Variants in SH2D3C observed in about 807,000 individuals in gnomAD.
SH2D3C encodes SH2 domain containing 3C.
Under a neutral mutation model 75.2 loss-of-function variants are expected in SH2D3C, and 25 were observed. The observed-to-expected ratio is 0.33, with a 90% CI of 0.24 to 0.46. The LOEUF (loss-of-function observed/expected upper bound fraction) is 0.46. Among genes scored for constraint, SH2D3C ranks in the 20% least tolerant of loss-of-function variants. The pLI is 1.00. For synonymous variants in SH2D3C, 450 were observed against 473.7 expected, an observed-to-expected ratio of 0.95 and a Z score of 0.65; for missense variants, 933 against 1,165.3, an observed-to-expected ratio of 0.80 and a Z score of 2.90.
Position 127,754,810 on chromosome 9 carries a change from C to T in SH2D3C, c.556-3510G>A, listed in dbSNP as rs1246594767. On this transcript the variant is annotated intron_variant, in intron 3 of 11. Transcript: ENST00000314830. The surrounding 1 kb of genome is among the most constrained non-coding windows in gnomAD (Gnocchi z 4.4). ...AGTCCCCCCTGCCCCAGCTCTCTCC[C>T]TCCTGCGGAGGAGGCAGAAACGGAC... 1 of 483,878 alleles carries T rather than the reference C, an allele frequency of 2.1e-6. No homozygotes were observed. Among genetic ancestry groups the T allele is most frequent in the South Asian group, 1.5e-5 (1 of 64,616 alleles). 30.0% of individuals were successfully genotyped at this position (483,878 alleles called of 1,614,324 possible). A position where few individuals can be genotyped will look rare whatever the true frequency, so the allele number is the denominator to read the frequency against.
At position 127,754,930 on chromosome 9, in the gene SH2D3C, G is replaced by A; in HGVS notation, c.556-3630C>T. The A allele has an allele frequency of 3.9e-6, 2 of 511,450 alleles. No homozygotes were observed. The highest frequency in any genetic ancestry group is 6.3e-5 in the East Asian group (1 of 16,000). The allele number at this position is 511,450 out of a possible 1,614,324, so 31.7% of individuals were successfully genotyped here. ...CCAGAGGTGAGGCTGGGGTGACCCC[G>A]CCCCCTCCCCGGGTCGGCCGGGCCC... is the stretch of plus-strand genomic sequence containing the variant. On this transcript the variant is annotated intron_variant, in intron 3 of 11. Coordinates refer to ENST00000314830, the MANE Select transcript of SH2D3C (RefSeq NM_170600.3). The surrounding 1 kb of genome is among the most constrained non-coding windows in gnomAD (Gnocchi z 4.4).
At chr9:127,769,351 A>G (rs372290515) in intron 2 of SH2D3C, among the ~76,000 whole-genome samples, 2 of 152,248 alleles carry the variant, frequency 1.3e-5, no homozygotes, top group Admixed American at 6.5e-5. Context: ...AAATAATGGT[A>G]GAAAAAGCTG....
chr9:127,770,190 C>T (rs1278971991), intron 2 of SH2D3C, among the ~76,000 whole-genome samples: 1 of 152,126 alleles, frequency 6.6e-6, no homozygotes, highest in Admixed American at 6.5e-5. Context: ...CCTCCTTCCT[C>T]TTCATCCCCA....
chr9:127,775,406 G>T (rs926463803), intron 1 of SH2D3C, among the ~76,000 whole-genome samples: 2 of 152,100 alleles, frequency 1.3e-5, no homozygotes, highest in Non-Finnish European at 2.9e-5. Context: ...GAGGCGGGCA[G>T]ATCATCTGAG....
In SH2D3C at chr9:127,771,509, C is replaced by T. The variant is rs528083492; in HGVS notation, c.515+2481G>A. The T allele has an allele frequency of 5.5e-6, 3 of 547,906 alleles. No homozygotes were observed. In the African/African-American group the frequency reaches 5.9e-5, roughly 11 times the overall value. The allele number at this position is 547,906 out of a possible 1,614,324, so 33.9% of individuals were successfully genotyped here. ...AGTCAGTGTCGGGAAGGCCTCGCCCCCTAGCACACCCCTCCGCCTCGCCCG... is the reference window on the plus strand; with the variant it reads ...AGTCAGTGTCGGGAAGGCCTCGCCCTCTAGCACACCCCTCCGCCTCGCCCG... On this transcript the variant is annotated intron_variant, in intron 2 of 11. Transcript: ENST00000314830.
At chr9:127,742,681 T>C in intron 8 of SH2D3C, 168 bp downstream of exon 8, 1 of 555,490 alleles carries the variant, frequency 1.8e-6, no homozygotes, top group Non-Finnish European at 3.2e-6. Context: ...GAAATCAGCC[T>C]GTTTAGAGCG....
chr9:127,762,104 T>C (rs890593222), intron 2 of SH2D3C: 1 of 798,998 alleles, frequency 1.3e-6, no homozygotes, highest in Admixed American at 5.8e-5. Context: ...CAAGTGGGGA[T>C]CAGCCCGTCC....
At chr9:127,770,287 T>TC (rs1193152614) in intron 2 of SH2D3C, among the ~76,000 whole-genome samples, 1 of 151,974 alleles carries the variant, frequency 6.6e-6, no homozygotes, top group African/African-American at 2.4e-5. Context: ...GCACCCTGTC[T>TC]CCCCGGGGTG....
intron 3 of SH2D3C, among the ~76,000 whole-genome samples, chr9:127,752,594 G>A (rs927325762): frequency 2.0e-5 from 3 of 152,070 alleles, no homozygotes; most frequent in Non-Finnish European, 2.9e-5. Flanking sequence ...CACAGATCTC[G>A]CCTCCTAATT....
At chr9:127,742,068 C>T in intron 8 of SH2D3C, 109 bp from the exon 9 acceptor site, 1 of 1,080,412 alleles carries the variant, frequency 9.3e-7, no homozygotes, top group Admixed American at 2.7e-5. Flanking sequence ...GCGGAGCCAA[C>T]GTGAGAGGTT....
At chr9:127,755,299 A>T (rs1845346353) in intron 3 of SH2D3C, 4 of 466,888 alleles carry the variant, frequency 8.6e-6, no homozygotes, top group Non-Finnish European at 1.1e-5. Context: ...TCGGGGGAGG[A>T]GCGGGGAGGC....
rs1447016123 is a variant in SH2D3C at position 127,738,724 on chromosome 9, C to T, written c.*22G>A. 2 of 1,563,636 alleles carry T rather than the reference C, an allele frequency of 1.3e-6. No homozygotes were observed. Among genetic ancestry groups the T allele is most frequent in the African/African-American group, 2.7e-5 (2 of 74,068 alleles). On this transcript the variant is annotated 3_prime_UTR_variant, in exon 12 of 12. Coordinates refer to ENST00000314830, the MANE Select transcript of SH2D3C (RefSeq NM_170600.3). This position sits in a 1 kb window ranked among gnomAD's most constrained non-coding sequence, Gnocchi z 5.0. ...CTGCCCCTGACGCTGTCCGCAGCTGCAGAGGGGAAATGTCCCTGGGGTCAC... is the reference window on the plus strand; with the variant it reads ...CTGCCCCTGACGCTGTCCGCAGCTGTAGAGGGGAAATGTCCCTGGGGTCAC...
chr9:127,765,183 G>A (rs1440438416), intron 2 of SH2D3C, among the ~76,000 whole-genome samples: 2 of 152,072 alleles, frequency 1.3e-5, no homozygotes, highest in African/African-American at 4.8e-5. Flanking sequence ...CCCTCCTTCA[G>A]TTCTTCACTA....
At chr9:127,773,866 C>A (rs755229736) in intron 2 of SH2D3C, 124 bp downstream of exon 2, 8 of 624,298 alleles carry the variant, frequency 1.3e-5, no homozygotes, top group Non-Finnish European at 2.2e-5. Context: ...TGCAGTGAAC[C>A]GGGATCACAC....
intron 2 of SH2D3C, chr9:127,771,183 C>T (rs1845730585): frequency 6.5e-7 from 1 of 1,543,194 alleles, no homozygotes; most frequent in Non-Finnish European, 8.7e-7. Context: ...CTCGGTCACT[C>T]ACCCTCGGGA....
intron 6 of SH2D3C, among the ~76,000 whole-genome samples, chr9:127,746,289 G>A (rs545087653): frequency 6.6e-6 from 1 of 152,308 alleles, no homozygotes; most frequent in South Asian, 2.1e-4. Flanking sequence ...CACCCTAGGC[G>A]AAAGTTCCTC....
At chr9:127,778,555 G>C in intron 1 of SH2D3C, 36 bp downstream of exon 1, 1 of 1,533,672 alleles carries the variant, frequency 6.5e-7, no homozygotes, top group Non-Finnish European at 9.0e-7. Context: ...GGAGAGCCAG[G>C]GATGGAGGAC....
rs769313098 is a variant in SH2D3C at position 127,754,264 on chromosome 9, C to T, written c.556-2964G>A. 4.8e-4 allele frequency among the ~76,000 whole-genome samples: 73 copies of T among 152,146 alleles called. No individual in the cohort carries two copies. The highest frequency in any genetic ancestry group is 6.3e-4 in the Non-Finnish European group (43 of 67,986). ...CCGGCGGGGCAGTCCTTCAGGCGGG[C>T]TCCGCGAGCGTGTGTGAGCCTGGGG... On this transcript the variant is annotated intron_variant, in intron 3 of 11. Coordinates refer to ENST00000314830, the MANE Select transcript of SH2D3C (RefSeq NM_170600.3). This position sits in a 1 kb window ranked among gnomAD's most constrained non-coding sequence, Gnocchi z 4.4.
Position 127,774,914 on chromosome 9 carries a change from A to AC in SH2D3C, c.38-448dup, listed in dbSNP as rs1845788646. ...AGACCAGCCTGGACAACATGATGAA[A>AC]CCCCTTCTCTACTAACAATACAAAC... On this transcript the variant is annotated intron_variant, in intron 1 of 11. Transcript: ENST00000314830. This position sits in a 1 kb window ranked among gnomAD's most constrained non-coding sequence, Gnocchi z 4.3. 6.6e-6 allele frequency among the ~76,000 whole-genome samples: 1 copy of AC among 151,622 alleles called. No homozygotes were observed. Among genetic ancestry groups the AC allele is most frequent in the African/African-American group, 2.4e-5 (1 of 41,262 alleles).
Sources: gnomAD v4.1 joint callset for allele counts (sites outside exome capture counted in the v4.1 genomes callset) on GRCh38, gnomAD v4.1.1 for gene constraint, Gnocchi (gnomAD v3.1) non-coding constraint, MANE v1.5 for transcripts, NCBI Gene and HGNC (gene_info 2026-07-23, HGNC 2026-07-21) for gene names.